Variants in SPAG16 observed in about 807,000 individuals in gnomAD.
The protein encoded by SPAG16 is sperm-associated antigen 16 protein.
Under a neutral mutation model 80.4 loss-of-function variants are expected in SPAG16, and 86 were observed. That is an observed-to-expected ratio of 1.07 (90% CI 0.90 to 1.28). The LOEUF is 1.28. Among genes scored for constraint, SPAG16 ranks in the 50% most tolerant of loss-of-function variants. The probability of loss-of-function intolerance (pLI) is 0.00; values close to 1 mark genes in which losing one functional copy is unlikely to be tolerated. For missense variants in SPAG16, 870 were observed against 765.3 expected (o/e 1.14, Z -1.61); for synonymous variants, 294 against 265.9 (o/e 1.11, Z -1.03).
intron 7 of SPAG16, among the ~76,000 whole-genome samples, chr2:213,361,789 C>CCACACACACA (rs10585217): frequency 0.03 from 4,226 of 140,022 alleles, 101 homozygotes; most frequent in Middle Eastern, 0.06. Context: ...ACTGATAATG[C>CCACACACACA]CACACACACA....
chr2:213,447,007 C>A (rs1291645211), intron 9 of SPAG16, among the ~76,000 whole-genome samples: 1 of 152,062 alleles, frequency 6.6e-6, no homozygotes, highest in African/African-American at 2.4e-5. Context: ...TCAATATAAA[C>A]CTGTAGGAAA....
At chr2:213,625,676 G>GTTTGTT (rs968525858) in intron 10 of SPAG16, among the ~76,000 whole-genome samples, 3 of 150,716 alleles carry the variant, frequency 2.0e-5, no homozygotes, top group Non-Finnish European at 3.0e-5. Context: ...TCTTTTTTTT[G>GTTTGTT]TTTGTTTTTG....
At chr2:213,319,607 T>C (rs558783131) in intron 5 of SPAG16, among the ~76,000 whole-genome samples, 1 of 152,052 alleles carries the variant, frequency 6.6e-6, no homozygotes, top group South Asian at 2.1e-4. Context: ...GGGAATTTGG[T>C]ATAGCATATT....
intron 15 of SPAG16, among the ~76,000 whole-genome samples, chr2:214,286,125 T>C (rs927285942): frequency 6.6e-6 from 1 of 152,154 alleles, no homozygotes; most frequent in Admixed American, 6.5e-5. Context: ...ACCAAAAATA[T>C]TTGAACTCAA....
intron 10 of SPAG16, among the ~76,000 whole-genome samples, chr2:213,779,929 A>C (rs1334514562): frequency 1.3e-5 from 2 of 152,238 alleles, no homozygotes; most frequent in Admixed American, 1.3e-4. Flanking sequence ...TTAAGTGCAT[A>C]AAAATGACTT....
chr2:213,740,555 C>T (rs372563485), intron 10 of SPAG16, among the ~76,000 whole-genome samples: 2 of 152,222 alleles, frequency 1.3e-5, no homozygotes, highest in Non-Finnish European at 2.9e-5. Flanking sequence ...GCCTCACTCT[C>T]ATCATGCTTA....
chr2:214,080,250 C>T (rs1465078825), intron 13 of SPAG16, among the ~76,000 whole-genome samples: 1 of 152,050 alleles, frequency 6.6e-6, no homozygotes, highest in Non-Finnish European at 1.5e-5. Flanking sequence ...AGACTCTAGT[C>T]CCAGAAATTT....
intron 10 of SPAG16, among the ~76,000 whole-genome samples, chr2:213,818,146 A>G (rs1464280987): frequency 2.0e-5 from 3 of 152,158 alleles, no homozygotes; most frequent in African/African-American, 7.2e-5. Context: ...GATCCCCTCC[A>G]TAGGAATCTC....
intron 14 of SPAG16, among the ~76,000 whole-genome samples, chr2:214,139,901 C>G (rs902049588): frequency 2.0e-5 from 3 of 152,198 alleles, no homozygotes; most frequent in Non-Finnish European, 4.4e-5. Flanking sequence ...ACTATTTAGA[C>G]AAAGCTTAAC....
intron 10 of SPAG16, among the ~76,000 whole-genome samples, chr2:213,745,903 G>A (rs1441530098): frequency 3.3e-5 from 5 of 152,200 alleles, no homozygotes; most frequent in African/African-American, 9.6e-5. Context: ...TTTTTCTATT[G>A]TTCATGTTTA....
chr2:214,234,186 G>A (rs1688913565), intron 15 of SPAG16, among the ~76,000 whole-genome samples: 1 of 152,102 alleles, frequency 6.6e-6, no homozygotes, highest in Non-Finnish European at 1.5e-5. Flanking sequence ...ATTGCTTTCA[G>A]CAACATCCAT....
intron 15 of SPAG16, among the ~76,000 whole-genome samples, chr2:214,353,027 A>G (rs1698527963): frequency 6.6e-6 from 1 of 152,056 alleles, no homozygotes; most frequent in African/African-American, 2.4e-5. Flanking sequence ...GCTTTAATAC[A>G]TTGAATGTGT....
At chr2:213,754,713 A>C (rs1329539868) in intron 10 of SPAG16, among the ~76,000 whole-genome samples, 1 of 152,266 alleles carries the variant, frequency 6.6e-6, no homozygotes, top group African/African-American at 2.4e-5. Flanking sequence ...TCACAGCCCA[A>C]TGACTAGTTT....
At chr2:213,642,934 A>G (rs1201389633) in intron 10 of SPAG16, among the ~76,000 whole-genome samples, 2 of 149,932 alleles carry the variant, frequency 1.3e-5, no homozygotes, top group African/African-American at 4.9e-5. Context: ...CACGTTCTTC[A>G]GTTTTGGAAC....
rs199811442 is a variant in SPAG16 at position 213,798,869 on chromosome 2, T to TA, written c.1071-63610dup. Among the ~76,000 whole-genome samples, 1,079 of 152,322 alleles carry TA rather than the reference T, an allele frequency of 7.1e-3. 10 individuals are homozygous for TA. The highest frequency in any genetic ancestry group is 0.012 in the Non-Finnish European group (821 of 68,030). On this transcript the variant is annotated intron_variant, in intron 10 of 15. Transcript: ENST00000331683. Reference sequence around the variant, plus strand: ...TATTAAAATTTCCTAGCATATTTGTTAAAAAATCAATAGATCATAAATGTA... The same window carrying TA: ...TATTAAAATTTCCTAGCATATTTGTTAAAAAAATCAATAGATCATAAATGTA...
At chr2:213,473,143 G>A (rs180781632) in intron 9 of SPAG16, among the ~76,000 whole-genome samples, 1 of 152,120 alleles carries the variant, frequency 6.6e-6, no homozygotes, top group Non-Finnish European at 1.5e-5. Context: ...AATACAGTAG[G>A]CTTCCTATCA....
chr2:214,274,640 A>G (rs1312877557), intron 15 of SPAG16, among the ~76,000 whole-genome samples: 2 of 152,154 alleles, frequency 1.3e-5, no homozygotes, highest in Admixed American at 1.3e-4. Flanking sequence ...CATCCCAGGG[A>G]TGAAGCTCAC....
intron 10 of SPAG16, among the ~76,000 whole-genome samples, chr2:213,813,100 CT>C (rs2072283668): frequency 6.6e-6 from 1 of 152,060 alleles, no homozygotes; most frequent in Non-Finnish European, 1.5e-5. Context: ...ACTCTAACCC[CT>C]AATGAAGAGA....
At chr2:214,196,821 T>C (rs2057853686) in intron 15 of SPAG16, among the ~76,000 whole-genome samples, 1 of 152,036 alleles carries the variant, frequency 6.6e-6, no homozygotes, top group Non-Finnish European at 1.5e-5. Flanking sequence ...GATAGTATAA[T>C]GCACTGAATC....
Sources: gnomAD v4.1 joint callset for allele counts (sites outside exome capture counted in the v4.1 genomes callset) on GRCh38, gnomAD v4.1.1 for gene constraint, MANE v1.5 for transcripts, NCBI Gene and HGNC (gene_info 2026-07-23, HGNC 2026-07-21) for gene names.